PCNX1: variants seen among roughly 807,000 people sequenced by gnomAD.
PCNX1 encodes pecanex-like protein 1.
In PCNX1, 78 loss-of-function variants were observed where a neutral mutation model predicts 242.2. The ratio of observed to expected loss-of-function variants is 0.32; its 90% CI spans 0.27 to 0.39. PCNX1 has a LOEUF of 0.39. Ranked by LOEUF, PCNX1 falls within the 10% of genes least tolerant of loss-of-function variation. PCNX1 has a pLI of 1.00. For synonymous variants in PCNX1, 1,024 were observed against 1,032.9 expected, an observed-to-expected ratio of 0.99 and a Z score of 0.17; for missense variants, 2,581 against 2,856.5, an observed-to-expected ratio of 0.90 and a Z score of 2.20.
At chr14:70,937,027 A>G (rs927853108) in intron 1 of PCNX1, among the ~76,000 whole-genome samples, 6 of 113,176 alleles carry the variant, frequency 5.3e-5, no homozygotes, top group African/African-American at 1.6e-4. Flanking sequence ...TAGATTCTGG[A>G]TATTAGCCCT....
chr14:71,051,287 CTA>C (rs1216844922), intron 23 of PCNX1, among the ~76,000 whole-genome samples: 5 of 147,618 alleles, frequency 3.4e-5, no homozygotes, highest in Non-Finnish European at 5.9e-5. Context: ...CATAAGAAAA[CTA>C]TACAGGTTTT....
intron 18 of PCNX1, among the ~76,000 whole-genome samples, chr14:71,035,389 C>T (rs1378843019): frequency 1.3e-5 from 2 of 152,126 alleles, no homozygotes; most frequent in East Asian, 3.8e-4. Flanking sequence ...TTTGGTATTA[C>T]AGTGTCAAAG....
Position 70,971,261 on chromosome 14 carries a change from C to G in PCNX1, c.604+2151C>G, listed in dbSNP as rs1336947115. Among the ~76,000 whole-genome samples, 2 of 52,430 alleles carry G rather than the reference C, an allele frequency of 3.8e-5. 1 individual carries two copies. 34.4% of individuals were successfully genotyped at this position (52,430 alleles called of 152,430 possible). On this transcript the variant is annotated intron_variant, in intron 5 of 35. Transcript: ENST00000304743. ...CCGGGTTCACGCCATTCTCCTGCCT[C>G]AGCCTCCCGAGTAGCTGGGACTACA...
intron 2 of PCNX1, among the ~76,000 whole-genome samples, chr14:70,949,769 G>A (rs556177924): frequency 2.0e-5 from 3 of 152,242 alleles, no homozygotes; most frequent in African/African-American, 7.2e-5. Flanking sequence ...CTATTTGACA[G>A]AAGTGTCTAC....
chr14:70,926,616 G>A (rs543088903), intron 1 of PCNX1, among the ~76,000 whole-genome samples: 1 of 151,990 alleles, frequency 6.6e-6, no homozygotes. Context: ...ACATGACAGC[G>A]CCCCACACCA....
In PCNX1 at chr14:70,924,149, C is replaced by T. The variant is rs1387576616; in HGVS notation, c.153+16146C>T. On this transcript the variant is annotated intron_variant, in intron 1 of 35. Transcript: ENST00000304743. ...TGGGAGGCTGAGGTGGGAGGATTGA[C>T]TGAGCCTGGGAGGTCAAGACTATAG... Among the ~76,000 whole-genome samples, 3 of 149,342 alleles carry T rather than the reference C, an allele frequency of 2.0e-5. No individual in the cohort carries two copies. The Admixed American group carries it at 2.0e-4, about 10-fold the overall frequency.
At chr14:70,973,493 G>A (rs1012346950) in intron 5 of PCNX1, among the ~76,000 whole-genome samples, 1 of 152,022 alleles carries the variant, frequency 6.6e-6, no homozygotes, top group Non-Finnish European at 1.5e-5. Flanking sequence ...GGGTGTTGGT[G>A]ACCTTGATAA....
In PCNX1 at chr14:71,011,653, A is replaced by C. The variant is rs79059425; in HGVS notation, c.2778+104A>C. 2.4e-3 allele frequency: 1,811 copies of C among 740,682 alleles called. 15 individuals are homozygous for C. The African/African-American group carries it at 0.029, about 12-fold the overall frequency. 45.9% of individuals were successfully genotyped at this position (740,682 alleles called of 1,614,324 possible). A position where few individuals can be genotyped will look rare whatever the true frequency, so the allele number is the denominator to read the frequency against. ...AAGCCATAAAAATTGATGAAGTTACACAAAAATTTTTTGAAAACTATGGCA... is the reference window on the plus strand; with the variant it reads ...AAGCCATAAAAATTGATGAAGTTACCCAAAAATTTTTTGAAAACTATGGCA... On this transcript the variant is annotated intron_variant, in intron 10 of 35. Coordinates refer to ENST00000304743, the MANE Select transcript of PCNX1 (RefSeq NM_014982.3).
chr14:70,908,141 C>A (rs3094889), intron 1 of PCNX1, 138 bp downstream of exon 1: 1 of 739,400 alleles, frequency 1.4e-6, no homozygotes, highest in Non-Finnish European at 2.0e-6. Context: ...TCCCCGCCCC[C>A]ACTGCGTGCT....
intron 1 of PCNX1, among the ~76,000 whole-genome samples, chr14:70,929,238 G>GT (rs1337206547): frequency 0.013 from 1,876 of 148,394 alleles, 48 homozygotes; most frequent in African/African-American, 0.044. Flanking sequence ...TACATTCAGT[G>GT]TTTTTTTTTT....
intron 7 of PCNX1, among the ~76,000 whole-genome samples, chr14:70,989,419 A>G (rs1206650504): frequency 6.6e-6 from 1 of 151,982 alleles, no homozygotes; most frequent in Non-Finnish European, 1.5e-5. Context: ...TCCAGTAACT[A>G]CTTTATTCTT....
chr14:71,075,204 A>G (rs935413553), intron 27 of PCNX1, among the ~76,000 whole-genome samples: 3 of 151,974 alleles, frequency 2.0e-5, no homozygotes, highest in Non-Finnish European at 4.4e-5. Flanking sequence ...TGTGTTGCCC[A>G]GGCTCTCAAA....
chr14:71,028,233 A>T (rs1323752617), intron 15 of PCNX1, among the ~76,000 whole-genome samples: 3 of 151,772 alleles, frequency 2.0e-5, no homozygotes, highest in Admixed American at 6.6e-5. Context: ...TATTGTTAGC[A>T]ATTAGATCTA....
chr14:70,926,723 G>A (rs1036652527), intron 1 of PCNX1, among the ~76,000 whole-genome samples: 2 of 152,074 alleles, frequency 1.3e-5, no homozygotes, highest in Non-Finnish European at 2.9e-5. Flanking sequence ...CCTCAAGGGG[G>A]CAGAAATTAA....
At chr14:70,978,778 TTGAA>T (rs2058754023) in intron 6 of PCNX1, 130 bp downstream of exon 6, 3 of 829,934 alleles carry the variant, frequency 3.6e-6, no homozygotes, top group African/African-American at 1.7e-5. Context: ...ATAAGCTTTC[TTGAA>T]TGAAGAAGTA....
intron 26 of PCNX1, among the ~76,000 whole-genome samples, chr14:71,067,960 A>G (rs1220765682): frequency 6.6e-6 from 1 of 152,084 alleles, no homozygotes; most frequent in East Asian, 1.9e-4. Context: ...ATTTCTAATT[A>G]GTTGTAGCAC....
chr14:70,954,306 C>G (rs1467972739), intron 2 of PCNX1, among the ~76,000 whole-genome samples: 1 of 152,154 alleles, frequency 6.6e-6, no homozygotes, highest in Non-Finnish European at 1.5e-5. Flanking sequence ...CCATCCTTAT[C>G]AGCTTTAAAA....
At chr14:70,961,481 G>A (rs1190055224) in intron 2 of PCNX1, among the ~76,000 whole-genome samples, 1 of 152,204 alleles carries the variant, frequency 6.6e-6, no homozygotes, top group Non-Finnish European at 1.5e-5. Context: ...AGCTGAAACT[G>A]GATCACTTCC....
intron 24 of PCNX1, among the ~76,000 whole-genome samples, chr14:71,054,471 C>T (rs1308359827): frequency 2.6e-5 from 4 of 152,088 alleles, no homozygotes; most frequent in Non-Finnish European, 5.9e-5. Context: ...ATAGGAGTTT[C>T]CCAAATTTTA....
Sources: allele counts gnomAD v4.1 joint callset (sites outside exome capture counted in the v4.1 genomes callset), GRCh38; gene constraint gnomAD v4.1.1; transcripts MANE v1.5; gene names NCBI Gene and HGNC (gene_info 2026-07-23, HGNC 2026-07-21).